RIGI: variants seen among roughly 807,000 people sequenced by gnomAD.
RIGI encodes RNA sensor RIG-I, also known as antiviral innate immune response receptor RIG-I.
the RIGI span, chr9:32,488,255 C>A: frequency 1.7e-5 from 26 of 1,569,162 alleles, no homozygotes; most frequent in Non-Finnish European, 2.2e-5. Context: ...GATAAGGAAC[C>A]ACAAAGATGA....
the RIGI span, among the ~76,000 whole-genome samples, chr9:32,465,525 A>G: frequency 6.6e-6 from 1 of 152,200 alleles, no homozygotes; most frequent in Non-Finnish European, 1.5e-5. Flanking sequence ...AAGAGATGCA[A>G]TGCATACATC....
At chr9:32,456,356 C>T in the RIGI span, 3 of 152,042 alleles carry the variant, frequency 2.0e-5, no homozygotes, top group Non-Finnish European at 4.4e-5. Flanking sequence ...AGCAACTCTA[C>T]AGTGGACAGC....
the RIGI span, among the ~76,000 whole-genome samples, chr9:32,476,744 C>A: frequency 6.6e-6 from 1 of 151,824 alleles, no homozygotes; most frequent in Admixed American, 6.6e-5. Flanking sequence ...AATCCTCTAG[C>A]CTTAGCCTCC....
At chr9:32,526,016 T>C in the RIGI span, 1 of 1,407,102 alleles carries the variant, frequency 7.1e-7, no homozygotes. Context: ...GAAAAACAAG[T>C]CCTCAATTGT....
chr9:32,486,872 C>G, the RIGI span, among the ~76,000 whole-genome samples: 1 of 152,184 alleles, frequency 6.6e-6, no homozygotes, highest in Non-Finnish European at 1.5e-5. Context: ...CTTATCTACA[C>G]CACTCCCTAT....
chr9:32,461,062 A>G, the RIGI span, among the ~76,000 whole-genome samples: 3 of 151,644 alleles, frequency 2.0e-5, no homozygotes, highest in Middle Eastern at 3.4e-3. Flanking sequence ...AAAAAAAATG[A>G]CACCTTACCC....
At chr9:32,497,785 T>TAAATA in the RIGI span, among the ~76,000 whole-genome samples, 6,457 of 151,862 alleles carry the variant, frequency 0.043, 346 homozygotes, top group East Asian at 0.15. Flanking sequence ...AATAAATAAA[T>TAAATA]AATTCTGCCA....
chr9:32,504,038 A>AACACACACACACAC, the RIGI span, among the ~76,000 whole-genome samples: 11,248 of 135,626 alleles, frequency 0.083, 574 homozygotes, highest in Middle Eastern at 0.12. Context: ...CAAGACTCCA[A>AACACACACACACAC]ACACACACAC....
chr9:32,495,508 T>C, the RIGI span, among the ~76,000 whole-genome samples: 1 of 148,416 alleles, frequency 6.7e-6, no homozygotes, highest in East Asian at 1.9e-4. Flanking sequence ...GCTTTGTTTT[T>C]GTTTTTATAG....
the RIGI span, among the ~76,000 whole-genome samples, chr9:32,479,833 T>C: frequency 1.1e-3 from 150 of 130,500 alleles, no homozygotes; most frequent in African/African-American, 3.9e-3. Context: ...CAAGACTCCA[T>C]CTCAAAAAAA....
the RIGI span, among the ~76,000 whole-genome samples, chr9:32,462,034 T>C: frequency 1.3e-5 from 2 of 152,284 alleles, no homozygotes; most frequent in South Asian, 2.1e-4. Context: ...CATTTCTGCT[T>C]CAAACTTTTC....
the RIGI span, among the ~76,000 whole-genome samples, chr9:32,493,550 G>A: frequency 6.6e-6 from 1 of 151,402 alleles, no homozygotes; most frequent in East Asian, 2.0e-4. Flanking sequence ...TTGAACTCAG[G>A]AGGCGGAGGT....
At chr9:32,476,385 C>T in the RIGI span, among the ~76,000 whole-genome samples, 5 of 151,924 alleles carry the variant, frequency 3.3e-5, no homozygotes, top group Non-Finnish European at 7.4e-5. Flanking sequence ...TGTAGTCCCA[C>T]GCATGGTGGC....
chr9:32,459,340 T>G, the RIGI span: 2 of 1,606,180 alleles, frequency 1.2e-6, no homozygotes, highest in Non-Finnish European at 8.5e-7. Context: ...TGCTAAAACA[T>G]GACCAGGCAC....
chr9:32,489,518 GTCT>G, the RIGI span: 3 of 915,354 alleles, frequency 3.3e-6, no homozygotes, highest in Admixed American at 2.3e-5. Flanking sequence ...AATAGCTACA[GTCT>G]AATGTCCACA....
chr9:32,462,640 C>T, the RIGI span, among the ~76,000 whole-genome samples: 1 of 151,920 alleles, frequency 6.6e-6, no homozygotes, highest in Admixed American at 6.6e-5. Context: ...AACTCCTGAC[C>T]TCAGGTTATC....
At chr9:32,487,880 A>C in the RIGI span, 37 of 1,559,366 alleles carry the variant, frequency 2.4e-5, no homozygotes, top group Middle Eastern at 1.0e-3. Context: ...TGGCCATAAG[A>C]GTAAGAAAAT....
chr9:32,473,054 A>AT, the RIGI span: 10 of 1,606,368 alleles, frequency 6.2e-6, no homozygotes, highest in African/African-American at 1.1e-4. Context: ...CTTCAATCCA[A>AT]TTTTTTAAAG....
the RIGI span, chr9:32,455,852 T>C: frequency 6.6e-6 from 1 of 152,226 alleles, no homozygotes; most frequent in South Asian, 2.1e-4. Context: ...ATTATCCTTG[T>C]TTTACAGATG....
Sources: allele counts gnomAD v4.1 joint callset (sites outside exome capture counted in the v4.1 genomes callset), GRCh38; gene constraint gnomAD v4.1.1; transcripts MANE v1.5; gene names NCBI Gene and HGNC (gene_info 2026-07-23, HGNC 2026-07-21).